The following DLGAP2 variants were observed in gnomAD, a reference collection of about 807,000 sequenced individuals.
The protein encoded by DLGAP2 is DLG associated protein 2, also known as disks large-associated protein 2.
DLGAP2 carries 26 observed loss-of-function variants against 100.3 expected under a neutral mutation model. That is an observed-to-expected ratio of 0.26 (90% CI 0.19 to 0.36). DLGAP2 has a LOEUF of 0.36. Ranked by LOEUF, DLGAP2 falls within the 10% of genes least tolerant of loss-of-function variation. The pLI is 1.00. For missense variants in DLGAP2, 1,858 were observed against 1,453.2 expected (o/e 1.28, Z -4.53); for synonymous variants, 886 against 630.1 (o/e 1.41, Z -6.08).
chr8:883,733 G>A (rs112194362), intron 1 of DLGAP2, among the ~76,000 whole-genome samples: 2,443 of 152,156 alleles, frequency 0.016, 62 homozygotes, highest in African/African-American at 0.055. Flanking sequence ...ACGTAGGAGC[G>A]CGGGTGCTGT....
At chr8:1,206,943 G>T (rs1442707378) in intron 2 of DLGAP2, among the ~76,000 whole-genome samples, 1 of 152,070 alleles carries the variant, frequency 6.6e-6, no homozygotes, top group African/African-American at 2.4e-5. Flanking sequence ...ATCCATCTCA[G>T]TGCTGAGTGG....
At chr8:1,266,024 T>C (rs577950396) in intron 3 of DLGAP2, among the ~76,000 whole-genome samples, 9 of 152,102 alleles carry the variant, frequency 5.9e-5, no homozygotes, top group Admixed American at 3.3e-4. Flanking sequence ...AAAAAAATGA[T>C]TACAAGGAGA....
In DLGAP2 at chr8:1,626,765, G is replaced by A. The variant is rs374464115; in HGVS notation, c.1468G>A (p.Asp490Asn). Reference protein sequence around the residue: ...QTQTYLQAASDVPVGHSLDPA... With the variant: ...QTQTYLQAASNVPVGHSLDPA... ...CCAGACCTACCTGCAAGCTGCAAGC[G>A]ATGTGCCTGTGGGACACAGCCTGGA... The change falls in exon 7 of 15, where the codon GAT becomes AAT. Residue 490 changes from aspartate to asparagine, a missense_variant. Asp to Asn is a conservative substitution (Grantham distance 23). Coordinates refer to ENST00000637795, the MANE Select transcript of DLGAP2 (RefSeq NM_001346810.2). The A allele has an allele frequency of 2.9e-5, 46 of 1,603,820 alleles. 1 individual carries two copies. The highest frequency in any genetic ancestry group is 2.6e-4 in the South Asian group (23 of 88,466).
chr8:1,084,134 G>T (rs1171954743), intron 2 of DLGAP2, among the ~76,000 whole-genome samples: 1 of 151,996 alleles, frequency 6.6e-6, no homozygotes, highest in Non-Finnish European at 1.5e-5. Context: ...AATTTATTTT[G>T]TTTAATATCA....
chr8:1,354,277 G>A lies in DLGAP2; in HGVS notation c.106+95394G>A, dbSNP rs972583111. On this transcript the variant is annotated intron_variant, in intron 3 of 14. Coordinates refer to ENST00000637795, the MANE Select transcript of DLGAP2 (RefSeq NM_001346810.2). ...TCCCAGCACTTTGGGAGGCCAAGAC[G>A]GGTGGATTGCCTGAGGCCAGGAGTT... Among the ~76,000 whole-genome samples the A allele has an allele frequency of 3.3e-5, 5 of 152,156 alleles. No individual in the cohort carries two copies. In the East Asian group the frequency reaches 9.6e-4, roughly 29 times the overall value.
At chr8:1,550,394 C>T (rs1049363558) in intron 5 of DLGAP2, among the ~76,000 whole-genome samples, 6 of 152,158 alleles carry the variant, frequency 3.9e-5, no homozygotes, top group African/African-American at 1.4e-4. Flanking sequence ...ATCCCGACTC[C>T]TCCTTGGAAC....
At chr8:797,443 T>C (rs956026399) in intron 1 of DLGAP2, among the ~76,000 whole-genome samples, 1 of 152,250 alleles carries the variant, frequency 6.6e-6, no homozygotes, top group Non-Finnish European at 1.5e-5. Flanking sequence ...CATTTCGCCT[T>C]TCCATTCTCT....
At chr8:981,555 G>A (rs941118526) in intron 2 of DLGAP2, among the ~76,000 whole-genome samples, 2 of 152,104 alleles carry the variant, frequency 1.3e-5, no homozygotes, top group African/African-American at 4.8e-5. Flanking sequence ...GCGTACGAGG[G>A]TTCCAGTTTC....
At chr8:1,090,414 C>T (rs972677475) in intron 2 of DLGAP2, among the ~76,000 whole-genome samples, 10 of 152,248 alleles carry the variant, frequency 6.6e-5, no homozygotes, top group African/African-American at 2.4e-4. Context: ...ACTCTGGGGC[C>T]CTCCTGGCCA....
chr8:1,236,240 A>AGTTCTCTCACATGGCG (rs1270589683), intron 2 of DLGAP2, among the ~76,000 whole-genome samples: 1,172 of 39,502 alleles, frequency 0.03, 27 homozygotes, highest in African/African-American at 0.054. Context: ...CTCACATGGC[A>AGTTCTCTCACATGGCG]CCATGTCTAG....
intron 2 of DLGAP2, among the ~76,000 whole-genome samples, chr8:1,024,795 G>C (rs945679565): frequency 2.6e-5 from 4 of 152,172 alleles, no homozygotes; most frequent in Admixed American, 6.5e-5. Flanking sequence ...TGTGGGACAC[G>C]CGTGAGGGGC....
chr8:1,640,521 C>G (rs1359220155), intron 8 of DLGAP2, among the ~76,000 whole-genome samples: 1 of 152,200 alleles, frequency 6.6e-6, no homozygotes, highest in Non-Finnish European at 1.5e-5. Context: ...CTCTGATTGT[C>G]ATGATCCCCA....
At position 1,258,882 on chromosome 8, in the gene DLGAP2, A is replaced by C. The variant is rs1435368367; in HGVS notation, c.105A>C (p.Glu35Asp). Residue 35 changes from glutamate to aspartate, a missense_variant and splice_region_variant, in exon 3 of 15, where the codon GAA becomes GAC. Transcript: ENST00000637795. Reference protein sequence around the residue: ...ESQCTLCGEPEEEEAGDLVQP... With the variant: ...ESQCTLCGEPDEEEAGDLVQP... ...AGTGCACGCTCTGCGGGGAGCCGGAAGGTGAGTACCTGACATGCTGCCTGG... is the reference window on the plus strand; with the variant it reads ...AGTGCACGCTCTGCGGGGAGCCGGACGGTGAGTACCTGACATGCTGCCTGG... The C allele has an allele frequency of 8.1e-7, 1 of 1,231,686 alleles. No individual in the cohort carries two copies. Among genetic ancestry groups the C allele is most frequent in the Non-Finnish European group, 1.0e-6 (1 of 988,030 alleles). 76.3% of individuals were successfully genotyped at this position (1,231,686 alleles called of 1,614,324 possible).
intron 3 of DLGAP2, among the ~76,000 whole-genome samples, chr8:1,437,290 C>G (rs1194052832): frequency 1.3e-5 from 2 of 152,166 alleles, no homozygotes; most frequent in African/African-American, 4.8e-5. Context: ...CCCAGGCATG[C>G]AGGCGCGAAG....
At position 1,703,483 on chromosome 8, in the gene DLGAP2, T is replaced by A. The variant is rs1165524307; in HGVS notation, c.*2077T>A. ...ATTTGCGAGTATTGGCATTTTAGAC[T>A]TTAAAAATGCTGTATGATTTCAGAT... On this transcript the variant is annotated 3_prime_UTR_variant, in exon 15 of 15. Transcript: ENST00000637795. 1 of 152,624 alleles carries A rather than the reference T, an allele frequency of 6.6e-6. No individual in the cohort carries two copies. The highest frequency in any genetic ancestry group is 1.5e-5 in the Non-Finnish European group (1 of 68,046). The allele number at this position is 152,624 out of a possible 1,614,324, so 9.5% of individuals were successfully genotyped here. A position where few individuals can be genotyped will look rare whatever the true frequency, so the allele number is the denominator to read the frequency against.
At chr8:840,772 C>T (rs955876192) in intron 1 of DLGAP2, among the ~76,000 whole-genome samples, 2 of 152,120 alleles carry the variant, frequency 1.3e-5, no homozygotes, top group African/African-American at 2.4e-5. Context: ...ATTCTGCGAG[C>T]GCGTCTACAC....
intron 3 of DLGAP2, among the ~76,000 whole-genome samples, chr8:1,329,249 G>T (rs766873330): frequency 2.6e-5 from 4 of 152,150 alleles, no homozygotes; most frequent in Admixed American, 1.3e-4. Flanking sequence ...TTTAATTTCT[G>T]AAATTGTTTC....
At chr8:980,577 C>G (rs1032229564) in intron 2 of DLGAP2, among the ~76,000 whole-genome samples, 1 of 152,180 alleles carries the variant, frequency 6.6e-6, no homozygotes, top group South Asian at 2.1e-4. Flanking sequence ...GGTTGTGAAA[C>G]ACGTGCTGTG....
chr8:984,585 C>T (rs1563128436), intron 2 of DLGAP2, among the ~76,000 whole-genome samples: 1 of 152,122 alleles, frequency 6.6e-6, no homozygotes, highest in East Asian at 1.9e-4. Context: ...AGGCCTGGCG[C>T]AGTAGTAAGA....
Sources: gnomAD v4.1 joint callset for allele counts (sites outside exome capture counted in the v4.1 genomes callset) on GRCh38, gnomAD v4.1.1 for gene constraint, MANE v1.5 for transcripts, NCBI Gene and HGNC (gene_info 2026-07-23, HGNC 2026-07-21) for gene names.